The following RNF150 variants were observed in gnomAD, a reference collection of about 807,000 sequenced individuals.
RNF150 encodes the protein ring finger protein 150.
RNF150 carries 24 observed loss-of-function variants against 39.3 expected under a neutral mutation model. The ratio of observed to expected loss-of-function variants is 0.61; its 90% confidence interval spans 0.44 to 0.86. RNF150 has a LOEUF of 0.86. Ranked by LOEUF, RNF150 falls within the 40% of genes least tolerant of loss-of-function variation. The probability of loss-of-function intolerance (pLI) is 0.00; values close to 1 mark genes in which losing one functional copy is unlikely to be tolerated. For synonymous variants in RNF150, 255 were observed against 227.3 expected, an observed-to-expected ratio of 1.12 and a Z score of -1.10; for missense variants, 502 against 587.8, an observed-to-expected ratio of 0.85 and a Z score of 1.51.
In RNF150 at chr4:141,159,414, C is replaced by T. The variant is rs550494315; in HGVS notation, c.-6+53380G>A. 1.2e-4 allele frequency among the ~76,000 whole-genome samples: 19 copies of T among 152,300 alleles called. No homozygotes were observed. In the South Asian group the frequency reaches 3.9e-3, roughly 32 times the overall value. The stretch of plus-strand genomic sequence containing the variant: ...CCCCAAACAATTTAAAATCTAAAAA[C>T]TCTCAGCCATATGAGTTTTGTACAT... On this transcript the variant is annotated intron_variant, in intron 1 of 7. Coordinates refer to the RNF150 transcript ENST00000420921.
intron 6 of RNF150, among the ~76,000 whole-genome samples, chr4:140,902,371 T>C (rs1245035208): frequency 6.6e-6 from 1 of 152,194 alleles, no homozygotes; most frequent in Non-Finnish European, 1.5e-5. Context: ...TATGCTAGTG[T>C]AATGCAAATA....
At chr4:141,015,912 C>T (rs79313144) in intron 1 of RNF150, among the ~76,000 whole-genome samples, 3,531 of 151,960 alleles carry the variant, frequency 0.023, 70 homozygotes, top group East Asian at 0.055. Context: ...TTTTTGCCTG[C>T]GGATCATTGC....
At chr4:141,161,552 C>T (rs1038584117) in intron 1 of RNF150, among the ~76,000 whole-genome samples, 1 of 152,208 alleles carries the variant, frequency 6.6e-6, no homozygotes, top group Non-Finnish European at 1.5e-5. Context: ...ACAGCAAGTG[C>T]TGATAGCCCA....
At chr4:141,101,513 TG>T (rs1739009166) in intron 1 of RNF150, among the ~76,000 whole-genome samples, 1 of 152,166 alleles carries the variant, frequency 6.6e-6, no homozygotes, top group Non-Finnish European at 1.5e-5. Flanking sequence ...CTGAAGCACC[TG>T]CCCAAATGGT....
At chr4:141,012,393 C>T (rs568129023) in intron 1 of RNF150, among the ~76,000 whole-genome samples, 2 of 152,320 alleles carry the variant, frequency 1.3e-5, no homozygotes, top group African/African-American at 4.8e-5. Flanking sequence ...TGGGCCTCCC[C>T]CACTTTGTAC....
At chr4:140,982,336 G>C (rs1412686838) in intron 1 of RNF150, among the ~76,000 whole-genome samples, 1 of 152,076 alleles carries the variant, frequency 6.6e-6, no homozygotes, top group Non-Finnish European at 1.5e-5. Context: ...TGTATCTGTA[G>C]TTACTGTGTT....
rs940729803 is a variant in RNF150 at position 141,180,379 on chromosome 4, A to G, written c.-6+32415T>C. Among the ~76,000 whole-genome samples, 4 of 151,970 alleles carry G rather than the reference A, an allele frequency of 2.6e-5. No homozygotes were observed. In the East Asian group the frequency reaches 5.8e-4, roughly 22 times the overall value. On this transcript the variant is annotated intron_variant, in intron 1 of 7. Coordinates refer to the RNF150 transcript ENST00000420921. ...CCCAGTTTCCTTTGCCTCCTCTTAC[A>G]CTTCATTGGCCAGAACTGGGTTTCA...
At chr4:140,879,089 T>C (rs368992485) in intron 6 of RNF150, among the ~76,000 whole-genome samples, 2 of 152,350 alleles carry the variant, frequency 1.3e-5, no homozygotes, top group South Asian at 4.1e-4. Context: ...TATTCTGTTT[T>C]ATTGGTCTAC....
At chr4:141,092,120 G>C (rs1738603773) in intron 1 of RNF150, among the ~76,000 whole-genome samples, 2 of 152,082 alleles carry the variant, frequency 1.3e-5, no homozygotes, top group African/African-American at 4.8e-5. Context: ...GAGGAGGGAG[G>C]ATCACCTGAG....
chr4:141,100,723 A>G (rs1322154286), intron 1 of RNF150, among the ~76,000 whole-genome samples: 1 of 152,234 alleles, frequency 6.6e-6, no homozygotes, highest in Non-Finnish European at 1.5e-5. Context: ...AGCCAATTTC[A>G]TCATTGTGGA....
intron 1 of RNF150, among the ~76,000 whole-genome samples, chr4:141,160,269 A>G (rs1448316941): frequency 6.6e-6 from 1 of 152,242 alleles, no homozygotes; most frequent in African/African-American, 2.4e-5. Context: ...AAGGCAAATC[A>G]ACTGTTACAA....
At chr4:140,988,350 T>G (rs1161008426) in intron 1 of RNF150, among the ~76,000 whole-genome samples, 1 of 152,114 alleles carries the variant, frequency 6.6e-6, no homozygotes, top group Non-Finnish European at 1.5e-5. Context: ...GGAATCAACC[T>G]AGGTGTCCAT....
chr4:140,940,861 G>C (rs980478852), intron 4 of RNF150, among the ~76,000 whole-genome samples: 1 of 152,202 alleles, frequency 6.6e-6, no homozygotes, highest in African/African-American at 2.4e-5. Context: ...GGATAGCCCT[G>C]CTCTGTCTAT....
intron 1 of RNF150, among the ~76,000 whole-genome samples, chr4:141,145,255 A>G (rs1002319011): frequency 1.3e-5 from 2 of 152,224 alleles, no homozygotes; most frequent in Non-Finnish European, 2.9e-5. Flanking sequence ...TAGTTACAAA[A>G]TGTCTTCAAA....
intron 1 of RNF150, among the ~76,000 whole-genome samples, chr4:141,154,411 A>C (rs1301345120): frequency 6.6e-6 from 1 of 152,202 alleles, no homozygotes; most frequent in Non-Finnish European, 1.5e-5. Context: ...GCACAATGCT[A>C]TTAAGTTAGA....
chr4:141,150,011 G>T (rs951311035), intron 1 of RNF150, among the ~76,000 whole-genome samples: 1 of 152,072 alleles, frequency 6.6e-6, no homozygotes, highest in African/African-American at 2.4e-5. Flanking sequence ...AGTTGTCTTG[G>T]TCTAAGGACC....
intron 1 of RNF150, among the ~76,000 whole-genome samples, chr4:141,157,040 C>G (rs1727417909): frequency 6.6e-6 from 1 of 152,174 alleles, no homozygotes; most frequent in South Asian, 2.1e-4. Flanking sequence ...GAATTCACAA[C>G]TAAAAGTTGT....
chr4:141,078,775 G>A (rs1578703753), intron 1 of RNF150, among the ~76,000 whole-genome samples: 1 of 113,226 alleles, frequency 8.8e-6, no homozygotes, highest in African/African-American at 3.8e-5. Context: ...GGGCGACAGA[G>A]CGAAACTCCG....
intron 1 of RNF150, among the ~76,000 whole-genome samples, chr4:141,095,924 TCA>T (rs755634492): frequency 7.9e-6 from 1 of 126,226 alleles, no homozygotes; most frequent in Non-Finnish European, 1.9e-5. Context: ...TCTTTAAACT[TCA>T]CATGTTACAT....
Sources: gnomAD v4.1 joint callset for allele counts (sites outside exome capture counted in the v4.1 genomes callset) on GRCh38, gnomAD v4.1.1 for gene constraint, MANE v1.5 for transcripts, NCBI Gene and HGNC (gene_info 2026-07-23, HGNC 2026-07-21) for gene names.